Variants in ATG3 observed in about 807,000 individuals in gnomAD.
The protein encoded by ATG3 is autophagy related 3, also known as ubiquitin-like-conjugating enzyme ATG3.
Under a neutral mutation model 50.7 loss-of-function variants are expected in ATG3, and 25 were observed. The ratio of observed to expected loss-of-function variants is 0.49; its 90% CI spans 0.36 to 0.69. The LOEUF is 0.69. Among genes scored for constraint, ATG3 ranks in the 30% least tolerant of loss-of-function variants. ATG3 has a pLI of 0.00. For synonymous variants in ATG3, 119 were observed against 125.5 expected (o/e 0.95, Z 0.34); for missense variants, 281 against 376.0 (o/e 0.75, Z 2.09).
At chr3:112,548,071 T>C (rs1003399211) in intron 5 of ATG3, among the ~76,000 whole-genome samples, 1 of 152,152 alleles carries the variant, frequency 6.6e-6, no homozygotes, top group African/African-American at 2.4e-5. Flanking sequence ...TGGCATACTC[T>C]GGCCGGGCGC....
chr3:112,542,235 A>G (rs905663926), intron 6 of ATG3, among the ~76,000 whole-genome samples: 1 of 152,160 alleles, frequency 6.6e-6, no homozygotes, highest in Admixed American at 6.5e-5. Context: ...TTGTGCACTT[A>G]TAAGGGGAAA....
In ATG3 at chr3:112,552,009, C is replaced by T. The variant is rs186826297; in HGVS notation, c.164+1271G>A. On this transcript the variant is annotated intron_variant, in intron 3 of 11. Coordinates refer to ENST00000283290, the MANE Select transcript of ATG3 (RefSeq NM_022488.5). The stretch of plus-strand genomic sequence containing the variant: ...AAAAAAGCAGTGACAACTGTTTCAG[C>T]GACACGGTAAGTATTAAAATGCAGG... Among the ~76,000 whole-genome samples the T allele has an allele frequency of 8.8e-4, 134 of 152,140 alleles. 2 individuals are homozygous for T. In the East Asian group the frequency reaches 0.022, roughly 25 times the overall value.
intron 11 of ATG3, chr3:112,533,054 A>G (rs2082567486): frequency 1.9e-6 from 2 of 1,078,104 alleles, no homozygotes; most frequent in Non-Finnish European, 2.3e-6. Context: ...AAAAAGGACA[A>G]AGCTATACAT....
intron 7 of ATG3, chr3:112,538,406 G>C (rs1933134555): frequency 2.2e-6 from 1 of 453,654 alleles, no homozygotes; most frequent in Non-Finnish European, 4.0e-6. Flanking sequence ...ATACTGTAGA[G>C]TCCTCAGTGG....
At chr3:112,535,092 G>A (rs1338572127) in intron 10 of ATG3, 2 of 152,102 alleles carry the variant, frequency 1.3e-5, no homozygotes, top group Non-Finnish European at 2.9e-5. Flanking sequence ...ATAGAAAAGA[G>A]TGATATCAAA....
At chr3:112,558,896 G>C (rs1933759293) in intron 1 of ATG3, among the ~76,000 whole-genome samples, 1 of 152,042 alleles carries the variant, frequency 6.6e-6, no homozygotes, top group Non-Finnish European at 1.5e-5. Flanking sequence ...GTGCCACCAT[G>C]CCCGGCTAAT....
At chr3:112,560,562 G>T (rs1357297528) in intron 1 of ATG3, among the ~76,000 whole-genome samples, 2 of 151,302 alleles carry the variant, frequency 1.3e-5, no homozygotes, top group Non-Finnish European at 2.9e-5. Flanking sequence ...CATTCTAACT[G>T]AAAGCTTAAA....
intron 7 of ATG3, chr3:112,538,452 G>A (rs537002055): frequency 1.0e-5 from 3 of 294,178 alleles, no homozygotes; most frequent in Non-Finnish European, 1.3e-5. Context: ...CTGTAACTGC[G>A]TAGTCATCGG....
At chr3:112,539,213 C>A (rs1423386430) in intron 7 of ATG3, among the ~76,000 whole-genome samples, 1 of 152,132 alleles carries the variant, frequency 6.6e-6, no homozygotes, top group East Asian at 1.9e-4. Context: ...GTTGAAATGT[C>A]ACTCCTCTAC....
At chr3:112,540,709 G>A (rs1933201547) in intron 7 of ATG3, among the ~76,000 whole-genome samples, 1 of 150,628 alleles carries the variant, frequency 6.6e-6, no homozygotes, top group Non-Finnish European at 1.5e-5. Context: ...ATGACTAGAA[G>A]AAAGAGTCCA....
At chr3:112,559,471 T>C (rs1395502732) in intron 1 of ATG3, among the ~76,000 whole-genome samples, 2 of 152,152 alleles carry the variant, frequency 1.3e-5, no homozygotes, top group Non-Finnish European at 2.9e-5. Context: ...TCAACTCCAG[T>C]TGAGGAAGAA....
rs576702579 is a variant in ATG3 at position 112,561,327 on chromosome 3, C to G, written c.72+130G>C. The G allele has an allele frequency of 2.0e-3, 1,847 of 913,518 alleles. 3 individuals are homozygous for G. Among genetic ancestry groups the G allele is most frequent in the Non-Finnish European group, 3.0e-3 (1,750 of 578,886 alleles). The allele number at this position is 913,518 out of a possible 1,614,324, so 56.6% of individuals were successfully genotyped here. A position where few individuals can be genotyped will look rare whatever the true frequency, so the allele number is the denominator to read the frequency against. ...GACTACGGGTGGGGGCTGCACACTT[C>G]CCTGTGTCTCGAGCCCTACTGCCTT... On this transcript the variant is annotated intron_variant, in intron 1 of 11. Transcript: ENST00000283290.
At chr3:112,550,664 A>C (rs565795880) in intron 3 of ATG3, among the ~76,000 whole-genome samples, 1 of 152,334 alleles carries the variant, frequency 6.6e-6, no homozygotes, top group East Asian at 1.9e-4. Context: ...GAGAACAAGA[A>C]AAGGCAGAAA....
chr3:112,553,166 G>A, intron 3 of ATG3, 114 bp downstream of exon 3: 1 of 843,356 alleles, frequency 1.2e-6, no homozygotes, highest in South Asian at 1.6e-5. Context: ...ATCTGCTGGG[G>A]GGAAAGTTAA....
chr3:112,561,318 T>C, intron 1 of ATG3, 139 bp downstream of exon 1: 3 of 847,734 alleles, frequency 3.5e-6, no homozygotes, highest in Non-Finnish European at 5.7e-6. Flanking sequence ...GGGTGGGGGC[T>C]GCACACTTCC....
At chr3:112,533,245 C>G in intron 11 of ATG3, 1 of 984,946 alleles carries the variant, frequency 1.0e-6, no homozygotes, top group Non-Finnish European at 1.2e-6. Context: ...AAAGACTGAG[C>G]TCTACTGGAC....
At chr3:112,558,494 G>T in intron 1 of ATG3, 77 bp from the exon 2 acceptor site, 2 of 1,180,878 alleles carry the variant, frequency 1.7e-6, no homozygotes, top group Non-Finnish European at 1.3e-6. Flanking sequence ...GCAATTATTT[G>T]CCTGGTGCCC....
intron 5 of ATG3, among the ~76,000 whole-genome samples, chr3:112,546,341 T>C (rs1264947984): frequency 3.9e-5 from 6 of 152,180 alleles, no homozygotes; most frequent in African/African-American, 1.4e-4. Context: ...AGTTGGCTAT[T>C]AAGTGACTAA....
chr3:112,535,754 A>G (rs532195491), intron 10 of ATG3: 1 of 152,352 alleles, frequency 6.6e-6, no homozygotes, highest in African/African-American at 2.4e-5. Context: ...ACTAGTCAAC[A>G]GAATATGAGT....
Sources: allele counts gnomAD v4.1 joint callset (sites outside exome capture counted in the v4.1 genomes callset), GRCh38; gene constraint gnomAD v4.1.1; transcripts MANE v1.5; gene names NCBI Gene and HGNC (gene_info 2026-07-23, HGNC 2026-07-21).